Variants in KLHL29 observed in about 807,000 individuals in gnomAD.
KLHL29 encodes kelch like family member 29.
Under a neutral mutation model 80.4 loss-of-function variants are expected in KLHL29, and 21 were observed. The observed-to-expected ratio is 0.26, with a 90% CI of 0.19 to 0.38. The LOEUF (loss-of-function observed/expected upper bound fraction) is 0.38, where lower values mean the gene tolerates loss of function less well. KLHL29 is among the 10% of genes least tolerant of loss of function. KLHL29 has a pLI of 1.00. For missense variants in KLHL29, 867 were observed against 1,223.9 expected, an observed-to-expected ratio of 0.71 and a Z score of 4.35; for synonymous variants, 511 against 526.8, an observed-to-expected ratio of 0.97 and a Z score of 0.41.
At chr2:23,653,413 G>A (rs373292338) in intron 5 of KLHL29, among the ~76,000 whole-genome samples, 10 of 152,284 alleles carry the variant, frequency 6.6e-5, no homozygotes, top group Admixed American at 2.0e-4. Flanking sequence ...TGCATGGGCC[G>A]CACTGGGCCA....
chr2:23,500,169 A>C (rs1353674868), intron 2 of KLHL29, among the ~76,000 whole-genome samples: 1 of 152,196 alleles, frequency 6.6e-6, no homozygotes. Flanking sequence ...ATATTCAGAC[A>C]GTGCCTTAGC....
rs147171406 is a variant in KLHL29, at chr2:23,399,253, C to T, written c.-154+13473C>T. Among the ~76,000 whole-genome samples the T allele has an allele frequency of 4.6e-4, 70 of 152,306 alleles. 1 individual carries two copies. In the East Asian group the frequency reaches 0.012, roughly 25 times the overall value. On this transcript the variant is annotated intron_variant, in intron 1 of 13. Transcript: ENST00000486442. ...ATTTCCCTTTGGGTTCCATGTTTTC[C>T]TTGTTCCCTTCCATGCCTAGCTGGA...
chr2:23,548,291 A>G (rs913068801), intron 2 of KLHL29, among the ~76,000 whole-genome samples: 19 of 151,022 alleles, frequency 1.3e-4, no homozygotes, highest in African/African-American at 4.7e-4. Context: ...GCACACACAC[A>G]AACACACACA....
chr2:23,580,344 C>T (rs1667950103), intron 3 of KLHL29, among the ~76,000 whole-genome samples: 1 of 146,098 alleles, frequency 6.8e-6, no homozygotes, highest in Admixed American at 7.0e-5. Context: ...TGCACTCCAG[C>T]CTGGGTGACA....
intron 1 of KLHL29, among the ~76,000 whole-genome samples, chr2:23,469,618 C>G (rs1166192817): frequency 1.3e-5 from 2 of 152,038 alleles, no homozygotes; most frequent in African/African-American, 4.8e-5. Flanking sequence ...TTTTTTTAAA[C>G]TGGTTTATAT....
intron 13 of KLHL29, among the ~76,000 whole-genome samples, chr2:23,704,376 G>C (rs1419874538): frequency 2.0e-5 from 3 of 152,202 alleles, no homozygotes; most frequent in African/African-American, 7.2e-5. Context: ...GCTGAGTGTG[G>C]CTCGGTCCCC....
chr2:23,545,197 G>A (rs80343132), intron 2 of KLHL29, among the ~76,000 whole-genome samples: 4,182 of 152,276 alleles, frequency 0.027, 66 homozygotes, highest in African/African-American at 0.042. Flanking sequence ...AGTGAGAGAC[G>A]AAAGGTCTGC....
intron 5 of KLHL29, among the ~76,000 whole-genome samples, chr2:23,649,598 C>T (rs557061340): frequency 3.2e-4 from 48 of 152,352 alleles, no homozygotes; most frequent in Admixed American, 9.8e-4. Flanking sequence ...CACCCTGGAC[C>T]CTCTCTCCAC....
chr2:23,413,656 A>C (rs1297886683), intron 1 of KLHL29, among the ~76,000 whole-genome samples: 1 of 152,310 alleles, frequency 6.6e-6, no homozygotes, highest in East Asian at 1.9e-4. Context: ...CATTGACTTC[A>C]TGGAAAAAAC....
intron 13 of KLHL29, among the ~76,000 whole-genome samples, chr2:23,704,750 G>C (rs943159589): frequency 5.3e-5 from 8 of 152,112 alleles, no homozygotes; most frequent in Non-Finnish European, 1.2e-4. Flanking sequence ...CTGGGTGACA[G>C]GAAAAGACTC....
At chr2:23,513,963 CAA>C (rs1272573124) in intron 2 of KLHL29, among the ~76,000 whole-genome samples, 1 of 152,126 alleles carries the variant, frequency 6.6e-6, no homozygotes, top group Non-Finnish European at 1.5e-5. Context: ...TGCTTGAAAA[CAA>C]GAATAACCAA....
At chr2:23,478,000 A>G (rs2103439820) in intron 2 of KLHL29, among the ~76,000 whole-genome samples, 1 of 152,228 alleles carries the variant, frequency 6.6e-6, no homozygotes, top group East Asian at 1.9e-4. Flanking sequence ...CATGTACTTT[A>G]GGATGGGGAG....
chr2:23,433,207 G>A (rs1663233583), intron 1 of KLHL29, among the ~76,000 whole-genome samples: 1 of 150,994 alleles, frequency 6.6e-6, no homozygotes, highest in Non-Finnish European at 1.5e-5. Context: ...CCAGAGGCCT[G>A]GGTCTCCACC....
In KLHL29 at chr2:23,696,341, G is replaced by T; in HGVS notation, c.1933G>T (p.Glu645Ter). Reference sequence around the variant, plus strand: ...TCCCACACTGCCTCCAGGTGGGATGGAATCAGGGGTGACGCTGGCTGATGT... The same window carrying T: ...TCCCACACTGCCTCCAGGTGGGATGTAATCAGGGGTGACGCTGGCTGATGT... Reference protein sequence around the residue: ...GDNIYLSGGMESGVTLADVWC... With the variant: ...GDNIYLSGGM The change falls in exon 11 of 14, where the codon GAA (glutamate) becomes TAA (stop). Residue 645 changes from glutamate (E) to a stop codon, truncating the protein, a stop_gained. Transcript: ENST00000486442. LOFTEE classifies it high-confidence loss of function. The surrounding 1 kb of genome is among the most constrained non-coding windows in gnomAD (Gnocchi z 5.5). The T allele has an allele frequency of 6.4e-7, 1 of 1,551,556 alleles. No individual in the cohort carries two copies. The highest frequency in any genetic ancestry group is 8.7e-7 in the Non-Finnish European group (1 of 1,146,956).
chr2:23,597,058 G>A (rs575446061), intron 3 of KLHL29, among the ~76,000 whole-genome samples: 1 of 152,084 alleles, frequency 6.6e-6, no homozygotes, highest in African/African-American at 2.4e-5. Flanking sequence ...GCTTTTGGGG[G>A]ACAAGCTCTC....
intron 7 of KLHL29, among the ~76,000 whole-genome samples, chr2:23,692,387 G>A (rs974756587): frequency 6.6e-6 from 1 of 152,256 alleles, no homozygotes; most frequent in Admixed American, 6.5e-5. Flanking sequence ...GGGGGTCGCT[G>A]ACCCGAACAA....
chr2:23,459,894 G>A (rs1160209519), intron 1 of KLHL29, among the ~76,000 whole-genome samples: 1 of 152,190 alleles, frequency 6.6e-6, no homozygotes, highest in African/African-American at 2.4e-5. Context: ...GGGCTAAGGG[G>A]TGAATGGGAG....
intron 3 of KLHL29, among the ~76,000 whole-genome samples, chr2:23,631,640 G>A (rs1669472415): frequency 6.6e-6 from 1 of 152,224 alleles, no homozygotes; most frequent in Non-Finnish European, 1.5e-5. Context: ...GCCCCGCGTA[G>A]GGATTTAACT....
At chr2:23,444,035 T>C (rs1170649768) in intron 1 of KLHL29, among the ~76,000 whole-genome samples, 1 of 152,212 alleles carries the variant, frequency 6.6e-6, no homozygotes, top group Non-Finnish European at 1.5e-5. Flanking sequence ...GAAGACCTCA[T>C]GTCTCTCTTT....
Sources: allele counts gnomAD v4.1 joint callset (sites outside exome capture counted in the v4.1 genomes callset), GRCh38; gene constraint gnomAD v4.1.1; non-coding constraint Gnocchi (gnomAD v3.1); transcripts MANE v1.5; gene names NCBI Gene and HGNC (gene_info 2026-07-23, HGNC 2026-07-21).